ABCA10: variants seen among roughly 807,000 people sequenced by gnomAD.
ABCA10 encodes ATP binding cassette subfamily A member 10, also known as ATP-binding cassette sub-family A member 10.
In ABCA10, 169 loss-of-function variants were observed where a neutral mutation model predicts 187.5. The ratio of observed to expected loss-of-function variants is 0.90; its 90% CI spans 0.80 to 1.02. The LOEUF is 1.02. Ranked by LOEUF, ABCA10 falls within the 50% of genes least tolerant of loss-of-function variation. ABCA10 has a pLI of 0.00. For missense variants in ABCA10, 1,727 were observed against 1,812.4 expected (o/e 0.95, Z 0.86); for synonymous variants, 574 against 601.8 (o/e 0.95, Z 0.68).
upstream of ABCA10, among the ~76,000 whole-genome samples, chr17:69,230,363 C>T (rs889846327): frequency 2.6e-5 from 4 of 152,104 alleles, no homozygotes; most frequent in Non-Finnish European, 4.4e-5. Flanking sequence ...ATCTCCAATA[C>T]GGTACAGTTG....
chr17:69,237,069 T>C (rs906896098), intron 1 of ABCA10, among the ~76,000 whole-genome samples: 1 of 152,214 alleles, frequency 6.6e-6, no homozygotes, highest in Non-Finnish European at 1.5e-5. Context: ...ATATACTCCT[T>C]CTGTAGCACA....
chr17:69,180,227 T>C (rs1375000842), intron 22 of ABCA10, among the ~76,000 whole-genome samples: 5 of 152,212 alleles, frequency 3.3e-5, no homozygotes, highest in Admixed American at 3.3e-4. Context: ...AGCTGTGCCA[T>C]AATGGTAACA....
chr17:69,233,470 T>C (rs943030069), upstream of ABCA10: 1 of 152,182 alleles, frequency 6.6e-6, no homozygotes, highest in African/African-American at 2.4e-5. Flanking sequence ...TGTTTTTCTG[T>C]ATATTCTTGA....
chr17:69,184,152 C>T (rs1031699344), intron 20 of ABCA10, among the ~76,000 whole-genome samples: 7 of 152,138 alleles, frequency 4.6e-5, no homozygotes, highest in African/African-American at 1.7e-4. Context: ...TCCCTGGGAA[C>T]ATAACTCCAT....
rs2074860604 is a variant in ABCA10 at position 69,235,324 on chromosome 17, TTGTCC to T, written c.-592-6469_-592-6465del. Among the ~76,000 whole-genome samples the T allele has an allele frequency of 2.0e-5, 3 of 152,224 alleles. No individual in the cohort carries two copies. In the South Asian group the frequency reaches 6.2e-4, roughly 31 times the overall value. On this transcript the variant is annotated intron_variant, in intron 1 of 39. Transcript: ENST00000269081. ...GTGATTACAATCTAACTTCAGGTTC[TTGTCC>T]TGTCCTATCTAAGAACCATTCCTGT...
intron 23 of ABCA10, 96 bp downstream of exon 23, chr17:69,175,310 C>T (rs2074326160): frequency 9.6e-7 from 1 of 1,037,784 alleles, no homozygotes; most frequent in Non-Finnish European, 1.4e-6. Context: ...AAAACATTAA[C>T]CAAAGTACAA....
At chr17:69,149,200 C>T (rs944728069) in intron 37 of ABCA10, 112 bp from the exon 38 acceptor site, 1 of 1,116,012 alleles carries the variant, frequency 9.0e-7, no homozygotes, top group Non-Finnish European at 1.3e-6. Flanking sequence ...AAGATATAGG[C>T]CAAATAATTA....
At chr17:69,208,276 G>T (rs933617348) in intron 9 of ABCA10, among the ~76,000 whole-genome samples, 1 of 151,886 alleles carries the variant, frequency 6.6e-6, no homozygotes, top group East Asian at 1.9e-4. Context: ...AAATTAGCTG[G>T]GCGTGGTGGC....
At position 69,211,338 on chromosome 17, in the gene ABCA10, TATATATA is replaced by T. The variant is rs1233101933; in HGVS notation, c.1006+3359_1006+3365del. ...TGATATATATATATATATATATATA[TATATATA>T]TATATATATATATATACACACACAC... On this transcript the variant is annotated intron_variant, in intron 9 of 38. Transcript: ENST00000690296. Among the ~76,000 whole-genome samples the T allele has an allele frequency of 2.5e-4, 28 of 114,144 alleles. 1 individual carries two copies. The highest frequency in any genetic ancestry group is 2.9e-4 in the Non-Finnish European group (17 of 58,618). 74.9% of individuals were successfully genotyped at this position (114,144 alleles called of 152,430 possible).
In ABCA10 at chr17:69,215,890, A is replaced by T. The variant is rs11077414; in HGVS notation, c.783T>A (p.Tyr261Ter). 0.011 allele frequency: 17,897 copies of T among 1,613,730 alleles called. 1,510 individuals are homozygous for T. In the African/African-American group the frequency reaches 0.2, roughly 18 times the overall value. ...FWGCLGFTVLYRQLPLSLGWV... is the reference protein window; with the variant it reads ...FWGCLGFTVL ...ATCCCAAAGATAAAGGAAGTTGTCT[A>T]TATAACACAGTGAATCCCAGACATC... The change falls in exon 8 of 39, where the codon TAT becomes TAA. Residue 261 changes from tyrosine (Y) to a stop codon, truncating the protein, a stop_gained. Coordinates refer to ENST00000690296, the MANE Select transcript of ABCA10 (RefSeq NM_001377321.1). LOFTEE classifies it high-confidence loss of function.
chr17:69,165,213 C>G (rs2074246867), intron 25 of ABCA10, 130 bp from the exon 26 acceptor site: 2 of 751,482 alleles, frequency 2.7e-6, no homozygotes, highest in African/African-American at 3.5e-5. Context: ...TAGAAATATT[C>G]TTAGGATATC....
At chr17:69,152,596 T>G in intron 34 of ABCA10, 115 bp from the exon 35 acceptor site, 1 of 1,403,124 alleles carries the variant, frequency 7.1e-7, no homozygotes, top group Non-Finnish European at 9.5e-7. Context: ...AAGAAACCTG[T>G]GCAACATGGT....
Position 69,170,269 on chromosome 17 carries a change from CAG to C in ABCA10, c.3162+4010_3162+4011del, listed in dbSNP as rs1210434440. Among the ~76,000 whole-genome samples, 3 of 136,430 alleles carry C rather than the reference CAG, an allele frequency of 2.2e-5. No homozygotes were observed. The East Asian group carries it at 6.2e-4, about 28-fold the overall frequency. 89.5% of individuals were successfully genotyped at this position (136,430 alleles called of 152,430 possible). ...CCCCACTGCACTCCAGCCTGGGCAA[CAG>C]AGTGAGATTCCGTCTCAAAAAAAAA... On this transcript the variant is annotated intron_variant, in intron 25 of 38. Coordinates refer to ENST00000690296, the MANE Select transcript of ABCA10 (RefSeq NM_001377321.1).
intron 9 of ABCA10, among the ~76,000 whole-genome samples, chr17:69,211,318 T>G (rs1478402072): frequency 2.4e-3 from 8 of 3,334 alleles, no homozygotes; most frequent in Admixed American, 0.011. Context: ...ATATATGATA[T>G]ATATATATAT....
chr17:69,175,347 G>C, intron 23 of ABCA10, 59 bp downstream of exon 23: 1 of 1,429,528 alleles, frequency 7.0e-7, no homozygotes, highest in Non-Finnish European at 9.7e-7. Context: ...CAATAAAATT[G>C]CAATTACTAC....
chr17:69,229,908 T>C (rs763624554), upstream of ABCA10, among the ~76,000 whole-genome samples: 5 of 152,130 alleles, frequency 3.3e-5, no homozygotes, highest in Non-Finnish European at 2.9e-5. Context: ...TACACCCTTC[T>C]TAATCACCAA....
Position 69,201,632 on chromosome 17 carries a change from A to T in ABCA10, c.1043T>A (p.Leu348His). Residue 348 changes from leucine (L) to histidine (H), a missense_variant, in exon 10 of 39, where the codon CTT becomes CAT. Transcript: ENST00000690296. ...ATGTTTGGACCAAAATGAGGACTTA[A>T]GGAAAAATAATGGAGAATCCCCATG... ...DGHGDSPLFF[L>H]KSSFWSKHQN... 6.2e-7 allele frequency: 1 copy of T among 1,608,410 alleles called. No individual in the cohort carries two copies. The highest frequency in any genetic ancestry group is 1.3e-5 in the African/African-American group (1 of 74,732).
intron 19 of ABCA10, among the ~76,000 whole-genome samples, chr17:69,185,965 T>C (rs536520673): frequency 2.6e-5 from 4 of 152,306 alleles, no homozygotes; most frequent in African/African-American, 9.6e-5. Context: ...ACAAATTGCC[T>C]GCTTGGGTAC....
chr17:69,182,829 C>G, intron 20 of ABCA10, 21 bp from the exon 21 acceptor site: 1 of 1,363,196 alleles, frequency 7.3e-7, no homozygotes, highest in Non-Finnish European at 9.4e-7. Context: ...GGAAGGAAGG[C>G]AACAAGAAAA....
Sources: gnomAD v4.1 joint callset for allele counts (sites outside exome capture counted in the v4.1 genomes callset) on GRCh38, gnomAD v4.1.1 for gene constraint, MANE v1.5 for transcripts, NCBI Gene and HGNC (gene_info 2026-07-23, HGNC 2026-07-21) for gene names.